ZDHHC5: variants seen among roughly 807,000 people sequenced by gnomAD.
The protein encoded by ZDHHC5 is zDHHC palmitoyltransferase 5, also known as palmitoyltransferase ZDHHC5.
In ZDHHC5, 22 loss-of-function variants were observed where a neutral mutation model predicts 70.0. The observed-to-expected ratio is 0.31, with a 90% CI of 0.22 to 0.45. The LOEUF (loss-of-function observed/expected upper bound fraction) is 0.45, where lower values mean the gene tolerates loss of function less well. Among genes scored for constraint, ZDHHC5 ranks in the 20% least tolerant of loss-of-function variants. The pLI is 1.00. For synonymous variants in ZDHHC5, 313 were observed against 347.8 expected, an observed-to-expected ratio of 0.90 and a Z score of 1.11; for missense variants, 746 against 926.9, an observed-to-expected ratio of 0.80 and a Z score of 2.53.
At chr11:57,682,363 G>T in intron 2 of ZDHHC5, 59 bp from the exon 3 acceptor site, 1 of 1,556,350 alleles carries the variant, frequency 6.4e-7, no homozygotes, top group Non-Finnish European at 8.7e-7. Flanking sequence ...ATTTTTGTAT[G>T]TATGGTTCGT....
At chr11:57,684,572 A>G (rs546341162) in intron 3 of ZDHHC5, among the ~76,000 whole-genome samples, 1 of 152,144 alleles carries the variant, frequency 6.6e-6, no homozygotes, top group Admixed American at 6.6e-5. Flanking sequence ...GAACCAGAGG[A>G]GAGAAGCTGA....
intron 1 of ZDHHC5, among the ~76,000 whole-genome samples, chr11:57,669,559 C>T (rs577363352): frequency 1.1e-3 from 169 of 152,230 alleles, no homozygotes; most frequent in Non-Finnish European, 2.1e-3. Flanking sequence ...CGGGTTCAAG[C>T]GATTCTCGTG....
rs1012415739 is a variant in ZDHHC5 at position 57,699,807 on chromosome 11, C to T, written c.1983-59C>T. The T allele has an allele frequency of 8.1e-6, 13 of 1,601,766 alleles. No individual in the cohort carries two copies. In the African/African-American group the frequency reaches 1.6e-4, roughly 20 times the overall value. ...TTTCTCTGAACCTTTGAAACTGTCT[C>T]CCTTTCCAATGTTTTCTGTCCCATT... On this transcript the variant is annotated intron_variant, in intron 11 of 11. Transcript: ENST00000287169.
intron 3 of ZDHHC5, among the ~76,000 whole-genome samples, chr11:57,684,201 T>C (rs1416302185): frequency 2.0e-5 from 3 of 152,150 alleles, no homozygotes; most frequent in African/African-American, 7.2e-5. Flanking sequence ...GGTATTGAAC[T>C]CCTGACCTTG....
intron 4 of ZDHHC5, 52 bp from the exon 5 acceptor site, chr11:57,689,979 A>G: frequency 5.1e-6 from 8 of 1,578,274 alleles, no homozygotes; most frequent in African/African-American, 1.4e-5. Flanking sequence ...GACAGAAGTA[A>G]TTTAATGCTA....
At chr11:57,682,669 G>A in intron 3 of ZDHHC5, 126 bp downstream of exon 3, 6 of 1,221,434 alleles carry the variant, frequency 4.9e-6, no homozygotes, top group Non-Finnish European at 3.3e-6. Context: ...AATGATTTGG[G>A]CATACGCAGT....
rs772093043 is a variant in ZDHHC5, at chr11:57,696,002, A to G, written c.968A>G (p.Tyr323Cys). The G allele has an allele frequency of 6.2e-7, 1 of 1,614,128 alleles. No individual in the cohort carries two copies. Among genetic ancestry groups the G allele is most frequent in the Admixed American group, 1.7e-5 (1 of 60,014 alleles). Reference protein sequence around the residue: ...PPPPKPDLSRYTGLRTHLGLA... With the variant: ...PPPPKPDLSRCTGLRTHLGLA... ...CCTCCTAAGCCAGACCTGAGCCGTT[A>G]CACAGGGTTGCGAACACACCTCGGC... The change falls in exon 9 of 12, where the codon TAC (tyrosine) becomes TGC (cysteine). Residue 323 changes from tyrosine (Y) to cysteine (C), a missense_variant. This residue lies in a region of ZDHHC5 where 179 missense variants were observed against 178.4 expected (regional missense o/e 1.00). Transcript: ENST00000287169.
chr11:57,677,498 G>A (rs2956983), intron 2 of ZDHHC5, among the ~76,000 whole-genome samples: 1 of 151,848 alleles, frequency 6.6e-6, no homozygotes, highest in African/African-American at 2.4e-5. Context: ...TAATGGCCAG[G>A]CTGGCCTCAA....
In ZDHHC5 at chr11:57,699,198, G is replaced by C. The variant is rs373177270; in HGVS notation, c.1762G>C (p.Asp588His). The change falls in exon 11 of 12, where the codon GAT becomes CAT. Residue 588 changes from aspartate to histidine, a missense_variant. Around this residue, in one of 6 missense-constraint regions of ZDHHC5, gnomAD observed 340 missense variants for 350.1 expected, o/e 0.97. Coordinates refer to ENST00000287169, the MANE Select transcript of ZDHHC5 (RefSeq NM_015457.3). Reference protein sequence around the residue: ...GHAPRTSSSSDDSKRSPLGKT... With the variant: ...GHAPRTSSSSHDSKRSPLGKT... ...TGCCCCTCGTACTAGTTCCTCCTCAGATGATTCAAAGAGATCACCTTTGGG... is the reference window on the plus strand; with the variant it reads ...TGCCCCTCGTACTAGTTCCTCCTCACATGATTCAAAGAGATCACCTTTGGG... 1.9e-5 allele frequency: 31 copies of C among 1,614,244 alleles called. No homozygotes were observed. The highest frequency in any genetic ancestry group is 1.5e-4 in the South Asian group (14 of 91,090).
intron 6 of ZDHHC5, 82 bp from the exon 7 acceptor site, chr11:57,692,529 A>G (rs773165716): frequency 2.5e-6 from 3 of 1,223,474 alleles, no homozygotes; most frequent in South Asian, 1.3e-5. Flanking sequence ...GTGAGTGCAC[A>G]ATAACTTGTA....
intron 2 of ZDHHC5, among the ~76,000 whole-genome samples, chr11:57,680,451 T>TA (rs1395703690): frequency 1.3e-5 from 2 of 152,342 alleles, no homozygotes; most frequent in Non-Finnish European, 1.5e-5. Flanking sequence ...ATCTTGTTCT[T>TA]ACTCTCATTA....
chr11:57,682,557 C>A lies in ZDHHC5; in HGVS notation c.226+14C>A, dbSNP rs1026796755. On this transcript the variant is annotated intron_variant, in intron 3 of 11. Transcript: ENST00000287169. ...TTTTCCCTCGAGGTAAGATCTGCTTCTCTCTTAGAAGCACCTTACACTGCC... is the reference window on the plus strand; with the variant it reads ...TTTTCCCTCGAGGTAAGATCTGCTTATCTCTTAGAAGCACCTTACACTGCC... 1.9e-6 allele frequency: 3 copies of A among 1,613,586 alleles called. No homozygotes were observed. Among genetic ancestry groups the A allele is most frequent in the African/African-American group, 2.7e-5 (2 of 75,026 alleles).
At chr11:57,683,157 T>C (rs912937048) in intron 3 of ZDHHC5, among the ~76,000 whole-genome samples, 16 of 152,222 alleles carry the variant, frequency 1.1e-4, no homozygotes, top group African/African-American at 2.9e-4. Flanking sequence ...ATGTTATGCA[T>C]GGTGTGACCA....
chr11:57,699,950 G>A lies in ZDHHC5; in HGVS notation c.2067G>A (p.Gln689=), dbSNP rs750415345. The change falls in exon 12 of 12, where the codon CAG becomes CAA. Residue 689 remains glutamine, a synonymous_variant. Coordinates refer to ENST00000287169, the MANE Select transcript of ZDHHC5 (RefSeq NM_015457.3). ...GCTCAGCCTCCCCTGGCCCAGGCCA[G>A]CCACCTCTCAGTAGCCCCACGAGGG... ...SLGSASPGPG[Q]PPLSSPTRGG... The A allele has an allele frequency of 1.7e-5, 28 of 1,614,082 alleles. No homozygotes were observed. Among genetic ancestry groups the A allele is most frequent in the Admixed American group, 3.3e-5 (2 of 60,002 alleles).
intron 4 of ZDHHC5, 120 bp downstream of exon 4, chr11:57,688,785 G>A (rs1056706819): frequency 2.8e-6 from 3 of 1,063,204 alleles, no homozygotes; most frequent in Non-Finnish European, 3.8e-6. Flanking sequence ...TGGCCACATG[G>A]TCCAGCTCTG....
intron 11 of ZDHHC5, 84 bp downstream of exon 11, chr11:57,699,502 A>T: frequency 6.7e-7 from 1 of 1,503,244 alleles, no homozygotes; most frequent in Non-Finnish European, 8.8e-7. Context: ...TCTGTTGTAC[A>T]TCCTAATGTA....
Position 57,693,835 on chromosome 11 carries a change from C to T in ZDHHC5, c.805C>T (p.Leu269Phe). 1.2e-6 allele frequency: 2 copies of T among 1,606,042 alleles called. No individual in the cohort carries two copies. Among genetic ancestry groups the T allele is most frequent in the Non-Finnish European group, 1.7e-6 (2 of 1,176,204 alleles). The change falls in exon 8 of 12, where the codon CTT becomes TTT. Residue 269 changes from leucine (L) to phenylalanine (F), a missense_variant. This residue lies in a region of ZDHHC5 where 114 missense variants were observed against 179.3 expected (regional missense o/e 0.64). Coordinates refer to ENST00000287169, the MANE Select transcript of ZDHHC5 (RefSeq NM_015457.3). ...EKTIVIRPPF[L>F]RPEVSDGQIT... Reference sequence around the variant, plus strand: ...GACAATTGTAATCAGACCTCCCTTCCTTCGACCAGAAGTTTCAGATGGGCA... The same window carrying T: ...GACAATTGTAATCAGACCTCCCTTCTTTCGACCAGAAGTTTCAGATGGGCA...
In ZDHHC5 at chr11:57,701,130, A is replaced by T. The variant is rs1236616211; in HGVS notation, c.*1099A>T. On this transcript the variant is annotated 3_prime_UTR_variant, in exon 12 of 12. Transcript: ENST00000287169. ...CCACAAAGAGGCCCTTTTATTTTTT[A>T]TTCTGATTAGCCATTTTAAACCAAC... 6.6e-6 allele frequency: 1 copy of T among 152,540 alleles called. No homozygotes were observed. Among genetic ancestry groups the T allele is most frequent in the Non-Finnish European group, 1.5e-5 (1 of 68,012 alleles). The allele number at this position is 152,540 out of a possible 1,614,324, so 9.4% of individuals were successfully genotyped here.
chr11:57,693,273 C>A (rs1325076729), intron 7 of ZDHHC5, among the ~76,000 whole-genome samples: 4 of 152,090 alleles, frequency 2.6e-5, no homozygotes, highest in African/African-American at 9.7e-5. Flanking sequence ...CACATACAAC[C>A]TAGATTGCTT....
Sources: gnomAD v4.1 joint callset for allele counts (sites outside exome capture counted in the v4.1 genomes callset) on GRCh38, gnomAD v4.1.1 for gene constraint, gnomAD v4.1.1 regional missense constraint, MANE v1.5 for transcripts, NCBI Gene and HGNC (gene_info 2026-07-23, HGNC 2026-07-21) for gene names.